TCF7L2: variants seen among roughly 807,000 people sequenced by gnomAD.
TCF7L2 encodes the protein transcription factor 7-like 2.
A neutral mutation model predicts 77.9 loss-of-function variants in TCF7L2; 23 were observed. The ratio of observed to expected loss-of-function variants is 0.30; its 90% CI spans 0.21 to 0.42. The LOEUF (loss-of-function observed/expected upper bound fraction) is 0.42. Ranked by LOEUF, TCF7L2 falls within the 10% of genes least tolerant of loss-of-function variation. TCF7L2 has a pLI of 1.00. For synonymous variants in TCF7L2, 413 were observed against 340.2 expected (o/e 1.21, Z -2.36); for missense variants, 654 against 793.1 (o/e 0.82, Z 2.11).
intron 4 of TCF7L2, among the ~76,000 whole-genome samples, chr10:112,984,340 C>T (rs569492409): frequency 6.6e-6 from 1 of 152,208 alleles, no homozygotes; most frequent in African/African-American, 2.4e-5. Context: ...TGCCAGAACT[C>T]TATAGCTGTT....
At chr10:113,023,081 G>T (rs896048622) in intron 4 of TCF7L2, among the ~76,000 whole-genome samples, 2 of 152,192 alleles carry the variant, frequency 1.3e-5, no homozygotes, top group Non-Finnish European at 2.9e-5. Context: ...TGTGGGGGCC[G>T]AGAAGAGGGC....
intron 5 of TCF7L2, among the ~76,000 whole-genome samples, chr10:113,119,717 A>C (rs375530474): frequency 1.3e-5 from 2 of 151,976 alleles, no homozygotes; most frequent in African/African-American, 4.8e-5. Flanking sequence ...ATAATAGACT[A>C]ATTTTCCAGT....
intron 4 of TCF7L2, among the ~76,000 whole-genome samples, chr10:112,981,840 C>A (rs2040529906): frequency 6.6e-6 from 1 of 152,318 alleles, no homozygotes; most frequent in Admixed American, 6.5e-5. Flanking sequence ...ACAGCTCTTA[C>A]ATTTGGCTGC....
At chr10:112,965,446 T>C (rs2036513788) in intron 4 of TCF7L2, among the ~76,000 whole-genome samples, 1 of 152,230 alleles carries the variant, frequency 6.6e-6, no homozygotes, top group Non-Finnish European at 1.5e-5. Context: ...CCAAAACTTC[T>C]TGAGTGTTCT....
rs751208919 is a variant in TCF7L2, at chr10:113,160,646, C to G, written c.1346C>G (p.Ala449Gly). The change falls in exon 13 of 14, where the codon GCA (alanine) becomes GGA (glycine). Residue 449 changes from alanine to glycine, a missense_variant. By Grantham distance (60) the Ala-to-Gly change is moderately conservative. Transcript: ENST00000627217. The stretch of plus-strand genomic sequence containing the variant: ...GCAAATACTCCAAAGAAGTGTCGGG[C>G]ACTGTTCGGGCTTGACCGACAGACT... 6.3e-7 allele frequency: 1 copy of G among 1,597,924 alleles called. No homozygotes were observed. The highest frequency in any genetic ancestry group is 8.5e-7 in the Non-Finnish European group (1 of 1,171,860).
chr10:113,070,352 A>AT (rs972914944), intron 5 of TCF7L2, among the ~76,000 whole-genome samples: 2 of 149,836 alleles, frequency 1.3e-5, no homozygotes, highest in Non-Finnish European at 3.0e-5. Context: ...TTTGTCTGGT[A>AT]TCTGCTGGGT....
intron 5 of TCF7L2, among the ~76,000 whole-genome samples, chr10:113,059,120 A>G (rs2055952185): frequency 6.6e-6 from 1 of 152,192 alleles, no homozygotes; most frequent in Non-Finnish European, 1.5e-5. Context: ...AGGCAGTGGC[A>G]TCGGTTGGGA....
intron 8 of TCF7L2, 97 bp downstream of exon 8, chr10:113,146,194 A>T: frequency 9.1e-7 from 1 of 1,101,738 alleles, no homozygotes; most frequent in Non-Finnish European, 1.4e-6. Flanking sequence ...CCACAGCTAC[A>T]TGTAGTTCTA....
chr10:113,061,340 T>G (rs887742584), intron 5 of TCF7L2, among the ~76,000 whole-genome samples: 3 of 152,130 alleles, frequency 2.0e-5, no homozygotes, highest in Non-Finnish European at 4.4e-5. Context: ...TATTCTGAGG[T>G]CCAGCGTCTG....
At chr10:113,068,342 C>T (rs2057521993) in intron 5 of TCF7L2, among the ~76,000 whole-genome samples, 1 of 152,224 alleles carries the variant, frequency 6.6e-6, no homozygotes, top group Non-Finnish European at 1.5e-5. Flanking sequence ...TGTGTGAGGA[C>T]ACTTTGTTAG....
intron 5 of TCF7L2, among the ~76,000 whole-genome samples, chr10:113,042,760 A>G (rs772386157): frequency 1.3e-5 from 2 of 152,182 alleles, no homozygotes; most frequent in African/African-American, 2.4e-5. Flanking sequence ...ATTTATGATT[A>G]TATTTTTGCT....
intron 11 of TCF7L2, chr10:113,157,773 G>A (rs1035825643): frequency 2.4e-5 from 11 of 449,572 alleles, no homozygotes; most frequent in African/African-American, 1.6e-4. Context: ...CATGAGAAAT[G>A]AGAGCTTCCC....
In TCF7L2 at chr10:113,166,763, A is replaced by G. The variant is rs2074059420; in HGVS notation, c.*791A>G. 1 of 228,820 alleles carries G rather than the reference A, an allele frequency of 4.4e-6. No individual in the cohort carries two copies. The allele number at this position is 228,820 out of a possible 1,614,324, so 14.2% of individuals were successfully genotyped here. A position where few individuals can be genotyped will look rare whatever the true frequency, so the allele number is the denominator to read the frequency against. ...ATCTTATATATAACAACTCATTTGTACAAGGTTTTTAAGTTTATATATAAA... is the reference window on the plus strand; with the variant it reads ...ATCTTATATATAACAACTCATTTGTGCAAGGTTTTTAAGTTTATATATAAA... On this transcript the variant is annotated 3_prime_UTR_variant, in exon 14 of 14. Coordinates refer to ENST00000627217, the MANE Select transcript of TCF7L2 (RefSeq NM_001146274.2).
At chr10:113,080,785 C>T (rs368713066) in intron 5 of TCF7L2, among the ~76,000 whole-genome samples, 1 of 152,154 alleles carries the variant, frequency 6.6e-6, no homozygotes, top group South Asian at 2.1e-4. Flanking sequence ...CCCTCGTTTG[C>T]ACACTTATTC....
chr10:113,079,269 G>A (rs2059060089), intron 5 of TCF7L2, among the ~76,000 whole-genome samples: 1 of 152,164 alleles, frequency 6.6e-6, no homozygotes, highest in Non-Finnish European at 1.5e-5. Flanking sequence ...TAGGCATGAT[G>A]ATGCTCTGAA....
chr10:113,042,317 A>T (rs1329338669), intron 5 of TCF7L2, among the ~76,000 whole-genome samples: 2 of 152,084 alleles, frequency 1.3e-5, no homozygotes, highest in Admixed American at 6.5e-5. Flanking sequence ...CCTCTTGTAG[A>T]TGGAGACCTT....
intron 3 of TCF7L2, among the ~76,000 whole-genome samples, chr10:112,959,099 A>G (rs11814830): frequency 0.011 from 1,742 of 152,264 alleles, 32 homozygotes; most frequent in African/African-American, 0.041. Context: ...TTGACGTTGA[A>G]AGAAAATCAT....
intron 4 of TCF7L2, among the ~76,000 whole-genome samples, chr10:113,019,975 A>G (rs2048019548): frequency 6.6e-6 from 1 of 152,178 alleles, no homozygotes; most frequent in African/African-American, 2.4e-5. Flanking sequence ...GTAACCTTTG[A>G]GCCGGTGGCC....
chr10:113,049,409 T>A (rs577079641), intron 5 of TCF7L2, among the ~76,000 whole-genome samples: 1 of 152,064 alleles, frequency 6.6e-6, no homozygotes, highest in Non-Finnish European at 1.5e-5. Context: ...CTCTTTTCTT[T>A]CATACCCCAC....
Sources: gnomAD v4.1 joint callset for allele counts (sites outside exome capture counted in the v4.1 genomes callset) on GRCh38, gnomAD v4.1.1 for gene constraint, MANE v1.5 for transcripts, NCBI Gene and HGNC (gene_info 2026-07-23, HGNC 2026-07-21) for gene names.